PALM2AKAP2: variants seen among roughly 807,000 people sequenced by gnomAD.
PALM2AKAP2 encodes PALM2 and AKAP2 fusion.
In PALM2AKAP2, 37 loss-of-function variants were observed where a neutral mutation model predicts 71.5. The ratio of observed to expected loss-of-function variants is 0.52; its 90% CI spans 0.40 to 0.68. The LOEUF is 0.68. Ranked by LOEUF, PALM2AKAP2 falls within the 30% of genes least tolerant of loss-of-function variation. The pLI is 0.00. For synonymous variants in PALM2AKAP2, 468 were observed against 478.8 expected, an observed-to-expected ratio of 0.98 and a Z score of 0.29; for missense variants, 1,224 against 1,191.8, an observed-to-expected ratio of 1.03 and a Z score of -0.40.
intron 6 of PALM2AKAP2, among the ~76,000 whole-genome samples, chr9:110,004,222 C>G (rs1025827886): frequency 2.6e-5 from 4 of 152,116 alleles, no homozygotes; most frequent in African/African-American, 9.7e-5. Flanking sequence ...TAGGGCAGGC[C>G]TGGTGGTGAC....
intron 6 of PALM2AKAP2, among the ~76,000 whole-genome samples, chr9:109,985,731 C>G (rs1314493136): frequency 1.3e-5 from 2 of 150,910 alleles, no homozygotes; most frequent in African/African-American, 4.9e-5. Flanking sequence ...CTCACTGCAA[C>G]CTTCGCCTCC....
intron 2 of PALM2AKAP2, among the ~76,000 whole-genome samples, chr9:109,872,645 C>T (rs529632928): frequency 2.0e-5 from 3 of 152,252 alleles, no homozygotes; most frequent in African/African-American, 7.2e-5. Flanking sequence ...TCCAAGAAAG[C>T]TGAATGAAAA....
intron 4 of PALM2AKAP2, 38 bp downstream of exon 4, chr9:109,923,887 A>G: frequency 3.9e-6 from 6 of 1,524,684 alleles, no homozygotes; most frequent in Non-Finnish European, 5.3e-6. Flanking sequence ...AGTTATTTCC[A>G]TGGGGAAGTA....
intron 1 of PALM2AKAP2, among the ~76,000 whole-genome samples, chr9:109,848,901 AT>A (rs1368232984): frequency 2.0e-5 from 3 of 151,954 alleles, no homozygotes; most frequent in African/African-American, 7.3e-5. Flanking sequence ...AAAAAAAAAA[AT>A]GTTGACAGAA....
chr9:109,867,593 C>G (rs754059869), intron 2 of PALM2AKAP2, 22 bp downstream of exon 2: 1 of 1,606,824 alleles, frequency 6.2e-7, no homozygotes, highest in Non-Finnish European at 8.5e-7. Context: ...ATCCCAGGAA[C>G]CTATTCCATT....
chr9:109,691,662 C>T (rs1427346807), intron 1 of PALM2AKAP2, among the ~76,000 whole-genome samples: 1 of 150,658 alleles, frequency 6.6e-6, no homozygotes, highest in African/African-American at 2.4e-5. Context: ...ATTTAGTTTC[C>T]CCCAACCCCT....
rs1827395556 is a variant in PALM2AKAP2, at chr9:109,661,504, T to C, written c.5+20638T>C. Among the ~76,000 whole-genome samples the C allele has an allele frequency of 2.0e-5, 3 of 152,188 alleles. No individual in the cohort carries two copies. The South Asian group carries it at 6.2e-4, about 32-fold the overall frequency. ...TGTGGTGTTATTTCTGAGGCCTCTG[T>C]TCTTTTACATTGGTCTTTATATCTG... On this transcript the variant is annotated intron_variant, in intron 1 of 6. Transcript: ENST00000374531.
chr9:109,837,928 T>C (rs1457298374), intron 1 of PALM2AKAP2, among the ~76,000 whole-genome samples: 1 of 152,154 alleles, frequency 6.6e-6, no homozygotes. Flanking sequence ...ACAATAATAA[T>C]GGGAGACTTT....
chr9:109,986,286 C>T (rs1832377817), intron 6 of PALM2AKAP2, among the ~76,000 whole-genome samples: 1 of 152,158 alleles, frequency 6.6e-6, no homozygotes, highest in African/African-American at 2.4e-5. Flanking sequence ...CACAATGAAC[C>T]TTCCAATTTT....
At chr9:109,852,805 T>C (rs1433692043) in intron 1 of PALM2AKAP2, among the ~76,000 whole-genome samples, 1 of 152,104 alleles carries the variant, frequency 6.6e-6, no homozygotes, top group Non-Finnish European at 1.5e-5. Context: ...CATTTTTTCA[T>C]ATGTTTGTTG....
At chr9:109,999,682 C>T (rs115073180) in intron 6 of PALM2AKAP2, among the ~76,000 whole-genome samples, 2,833 of 152,346 alleles carry the variant, frequency 0.019, 99 homozygotes, top group African/African-American at 0.065. Context: ...GCGTGGAGAA[C>T]GGCCCGCTGA....
chr9:109,664,510 A>T (rs1827448249), intron 1 of PALM2AKAP2, among the ~76,000 whole-genome samples: 1 of 152,210 alleles, frequency 6.6e-6, no homozygotes, highest in Admixed American at 6.5e-5. Context: ...AATGTTGAAT[A>T]TTGGTCCCCA....
At chr9:109,799,930 C>T (rs1162620790) in intron 1 of PALM2AKAP2, among the ~76,000 whole-genome samples, 1 of 152,168 alleles carries the variant, frequency 6.6e-6, no homozygotes, top group Admixed American at 6.5e-5. Flanking sequence ...TATTTCTGGC[C>T]TTTGTGACAT....
At chr9:109,977,820 T>C (rs1281905838) in intron 6 of PALM2AKAP2, among the ~76,000 whole-genome samples, 1 of 152,080 alleles carries the variant, frequency 6.6e-6, no homozygotes, top group Non-Finnish European at 1.5e-5. Flanking sequence ...CCAAACAGCT[T>C]CCTTTGACTC....
intron 1 of PALM2AKAP2, among the ~76,000 whole-genome samples, chr9:110,100,564 C>T (rs1302254274): frequency 6.6e-6 from 1 of 152,120 alleles, no homozygotes; most frequent in Non-Finnish European, 1.5e-5. Context: ...AACGGCCAGT[C>T]CTCTGCTATG....
At chr9:109,970,563 A>G (rs1246680038) in intron 6 of PALM2AKAP2, among the ~76,000 whole-genome samples, 4 of 152,168 alleles carry the variant, frequency 2.6e-5, no homozygotes, top group Admixed American at 2.0e-4. Flanking sequence ...TCTTACAACT[A>G]CTTACAATGC....
At position 110,007,204 on chromosome 9, in the gene PALM2AKAP2, G is replaced by T. The variant is rs117783529; in HGVS notation, c.497-8750G>T. 4.7e-4 allele frequency among the ~76,000 whole-genome samples: 72 copies of T among 152,268 alleles called. No homozygotes were observed. The East Asian group carries it at 0.012, about 25-fold the overall frequency. On this transcript the variant is annotated intron_variant, in intron 6 of 9. Transcript: ENST00000302798. Reference sequence around the variant, plus strand: ...AGAATTGCAGAGAGGTCAAACTGAGGCCATCAGGGCATTGAGCCACTGAAT... The same window carrying T: ...AGAATTGCAGAGAGGTCAAACTGAGTCCATCAGGGCATTGAGCCACTGAAT...
At chr9:109,880,766 A>G (rs1417945144) in intron 3 of PALM2AKAP2, 85 bp downstream of exon 3, 20 of 1,505,254 alleles carry the variant, frequency 1.3e-5, no homozygotes, top group Non-Finnish European at 1.8e-5. Context: ...CTTTCTCAAT[A>G]CTGTTACCTT....
intron 1 of PALM2AKAP2, among the ~76,000 whole-genome samples, chr9:110,128,960 G>A (rs956173076): frequency 3.9e-5 from 6 of 152,264 alleles, no homozygotes; most frequent in African/African-American, 1.4e-4. Context: ...CTGTGCAAAT[G>A]TAAACAGGCT....
Sources: allele counts gnomAD v4.1 joint callset (sites outside exome capture counted in the v4.1 genomes callset), GRCh38; gene constraint gnomAD v4.1.1; transcripts MANE v1.5; gene names NCBI Gene and HGNC (gene_info 2026-07-23, HGNC 2026-07-21).